The following UBE2W variants were observed in gnomAD, a reference collection of about 807,000 sequenced individuals.
UBE2W encodes ubiquitin-conjugating enzyme E2 W.
A neutral mutation model predicts 27.2 loss-of-function variants in UBE2W; 18 were observed. That is an observed-to-expected ratio of 0.66 (90% CI 0.46 to 0.98). The LOEUF is 0.98. Among genes scored for constraint, UBE2W ranks in the 50% least tolerant of loss-of-function variants. The pLI is 0.00. For missense variants in UBE2W, 90 were observed against 180.2 expected (o/e 0.50, Z 2.87); for synonymous variants, 53 against 57.2 (o/e 0.93, Z 0.33).
At chr8:73,868,554 C>T (rs1034579667) in intron 1 of UBE2W, among the ~76,000 whole-genome samples, 5 of 152,128 alleles carry the variant, frequency 3.3e-5, no homozygotes, top group African/African-American at 1.2e-4. Context: ...GTAGCCAAGT[C>T]GGACACAAGT....
rs193242893 is a variant in UBE2W, at chr8:73,845,879, C to T, written c.16-15407G>A. Among the ~76,000 whole-genome samples, 55 of 152,070 alleles carry T rather than the reference C, an allele frequency of 3.6e-4. 1 individual carries two copies. In the Middle Eastern group the frequency reaches 0.01, roughly 28 times the overall value. On this transcript the variant is annotated intron_variant, in intron 1 of 5. Coordinates refer to ENST00000602593, the MANE Select transcript of UBE2W (RefSeq NM_018299.6). ...AAAACCACCAATTTAAACTCCTATA[C>T]CAAGCAAAACTAAGTTTAAAAAAAA...
Position 73,787,400 on chromosome 8 carries a change from T to C in UBE2W, c.*6702A>G, listed in dbSNP as rs1225671746. The C allele has an allele frequency of 1.4e-5, 14 of 985,330 alleles. No homozygotes were observed. Among genetic ancestry groups the C allele is most frequent in the South Asian group, 1.4e-4 (3 of 21,276 alleles). The allele number at this position is 985,330 out of a possible 1,614,324, so 61.0% of individuals were successfully genotyped here. On this transcript the variant is annotated 3_prime_UTR_variant, in exon 6 of 6. Transcript: ENST00000602593. The stretch of plus-strand genomic sequence containing the variant: ...AATGGAGAAAAGTCAAATCCTACTA[T>C]GGAAAGTAGAAATTAAGGATTATAA...
At chr8:73,799,425 GTCT>G (rs766680256) in intron 5 of UBE2W, among the ~76,000 whole-genome samples, 1 of 152,140 alleles carries the variant, frequency 6.6e-6, no homozygotes, top group Non-Finnish European at 1.5e-5. Flanking sequence ...GAGCCCTTGT[GTCT>G]TCTTCCAAGA....
downstream of UBE2W, among the ~76,000 whole-genome samples, chr8:73,785,078 C>T (rs968486578): frequency 6.6e-6 from 1 of 152,186 alleles, no homozygotes; most frequent in East Asian, 1.9e-4. Context: ...CCTGTCCTAG[C>T]ATTTTGTACT....
chr8:73,860,646 A>T (rs76802381), intron 1 of UBE2W, among the ~76,000 whole-genome samples: 2,202 of 152,318 alleles, frequency 0.014, 63 homozygotes, highest in African/African-American at 0.05. Context: ...AGGTTGGTGG[A>T]TTTATGATGT....
chr8:73,832,727 T>A (rs1810126288), intron 1 of UBE2W, among the ~76,000 whole-genome samples: 2 of 152,196 alleles, frequency 1.3e-5, no homozygotes, highest in Non-Finnish European at 2.9e-5. Context: ...TCTGAAATGC[T>A]CCAATGAACA....
At chr8:73,812,532 T>G (rs1165613083) in intron 3 of UBE2W, among the ~76,000 whole-genome samples, 1 of 152,222 alleles carries the variant, frequency 6.6e-6, no homozygotes, top group Non-Finnish European at 1.5e-5. Flanking sequence ...CTATAGTTTA[T>G]TACATCATAT....
At chr8:73,809,869 G>A (rs559942912) in intron 4 of UBE2W, among the ~76,000 whole-genome samples, 5 of 152,178 alleles carry the variant, frequency 3.3e-5, no homozygotes, top group East Asian at 3.9e-4. Context: ...GTAAGCCACC[G>A]TGCCCAGCCT....
chr8:73,798,701 C>T (rs1480874209), intron 5 of UBE2W, among the ~76,000 whole-genome samples: 1 of 152,156 alleles, frequency 6.6e-6, no homozygotes, highest in Non-Finnish European at 1.5e-5. Context: ...TATGGTCTCA[C>T]AAAGAGACAC....
At chr8:73,849,987 T>A (rs1811005167) in intron 1 of UBE2W, among the ~76,000 whole-genome samples, 3 of 152,118 alleles carry the variant, frequency 2.0e-5, no homozygotes. Flanking sequence ...AGTAACAACC[T>A]CAAAATAGAT....
intron 1 of UBE2W, among the ~76,000 whole-genome samples, chr8:73,868,350 G>A (rs1391818121): frequency 6.6e-6 from 1 of 152,098 alleles, no homozygotes; most frequent in Non-Finnish European, 1.5e-5. Flanking sequence ...ATACCCCACG[G>A]GGCCAAAGGC....
chr8:73,837,440 A>G (rs7823035), intron 1 of UBE2W, among the ~76,000 whole-genome samples: 17,481 of 152,036 alleles, frequency 0.11, 3,232 homozygotes, highest in African/African-American at 0.39. Context: ...TTGAACCCAG[A>G]AGGCGGAGGT....
chr8:73,839,272 G>A (rs1810432002), intron 1 of UBE2W, among the ~76,000 whole-genome samples: 2 of 145,132 alleles, frequency 1.4e-5, no homozygotes, highest in African/African-American at 2.5e-5. Context: ...TGTTTAGAAT[G>A]AATACTACTA....
intron 1 of UBE2W, among the ~76,000 whole-genome samples, chr8:73,851,242 G>A (rs1811065075): frequency 6.6e-6 from 1 of 151,352 alleles, no homozygotes; most frequent in Admixed American, 6.6e-5. Context: ...GGGAAAGAAA[G>A]CAACAGGGTG....
At position 73,797,352 on chromosome 8, in the gene UBE2W, A is replaced by C. The variant is rs530688810; in HGVS notation, c.443-3237T>G. On this transcript the variant is annotated intron_variant, in intron 5 of 5. Coordinates refer to ENST00000602593, the MANE Select transcript of UBE2W (RefSeq NM_018299.6). Reference sequence around the variant, plus strand: ...ATATGAAGTGGATGCTACCTCCAAGAAAGAGAAAATATTTAGTTTTGTCTC... The same window carrying C: ...ATATGAAGTGGATGCTACCTCCAAGCAAGAGAAAATATTTAGTTTTGTCTC... Among the ~76,000 whole-genome samples, 12 of 152,332 alleles carry C rather than the reference A, an allele frequency of 7.9e-5. No homozygotes were observed. The East Asian group carries it at 1.2e-3, about 15-fold the overall frequency.
intron 5 of UBE2W, among the ~76,000 whole-genome samples, 179 bp downstream of exon 5, chr8:73,805,468 AAAAC>A (rs1319571057): frequency 3.7e-5 from 5 of 135,178 alleles, no homozygotes; most frequent in African/African-American, 1.1e-4. Flanking sequence ...AAAAAAAAAA[AAAAC>A]AAAAAAAACT....
chr8:73,835,727 A>C (rs773163725), intron 1 of UBE2W, among the ~76,000 whole-genome samples: 33 of 152,140 alleles, frequency 2.2e-4, no homozygotes, highest in Non-Finnish European at 3.8e-4. Flanking sequence ...TGGGCGAGAG[A>C]GCGAGACTTT....
At position 73,790,198 on chromosome 8, in the gene UBE2W, G is replaced by A; in HGVS notation, c.*3904C>T. The A allele has an allele frequency of 2.0e-6, 2 of 984,826 alleles. No homozygotes were observed. The highest frequency in any genetic ancestry group is 2.4e-6 in the Non-Finnish European group (2 of 829,672). 61.0% of individuals were successfully genotyped at this position (984,826 alleles called of 1,614,324 possible). A position where few individuals can be genotyped will look rare whatever the true frequency, so the allele number is the denominator to read the frequency against. On this transcript the variant is annotated 3_prime_UTR_variant, in exon 6 of 6. Transcript: ENST00000602593. ...CCTAACCTCAGAAAAAAAAAAGAGA[G>A]AATAAATTAGAAGTGAGAAAAGGAA... is the stretch of plus-strand genomic sequence containing the variant.
Position 73,855,342 on chromosome 8 carries a change from T to C in UBE2W, c.15+23466A>G, listed in dbSNP as rs1811243261. Among the ~76,000 whole-genome samples the C allele has an allele frequency of 2.0e-5, 3 of 152,122 alleles. 1 individual carries two copies. The highest frequency in any genetic ancestry group is 4.8e-5 in the African/African-American group (2 of 41,514). ...CACAGCAATAGCAACAGAAGGTGATTATGAAATTTGATGCAGTTATGATTT... is the reference window on the plus strand; with the variant it reads ...CACAGCAATAGCAACAGAAGGTGATCATGAAATTTGATGCAGTTATGATTT... On this transcript the variant is annotated intron_variant, in intron 1 of 5. Coordinates refer to ENST00000602593, the MANE Select transcript of UBE2W (RefSeq NM_018299.6).
Sources: gnomAD v4.1 joint callset for allele counts (sites outside exome capture counted in the v4.1 genomes callset) on GRCh38, gnomAD v4.1.1 for gene constraint, MANE v1.5 for transcripts, NCBI Gene and HGNC (gene_info 2026-07-23, HGNC 2026-07-21) for gene names.